Variants in MORC4 observed in about 807,000 individuals in gnomAD.
MORC4 encodes the protein MORC family CW-type zinc finger protein 4.
In MORC4, 22 loss-of-function variants were observed where a neutral mutation model predicts 65.5. The observed-to-expected ratio is 0.34, with a 90% CI of 0.24 to 0.48. The LOEUF is 0.48. MORC4 is among the 20% of genes least tolerant of loss of function. The probability of loss-of-function intolerance (pLI) is 0.99; values close to 1 mark genes in which losing one functional copy is unlikely to be tolerated. For synonymous variants in MORC4, 267 were observed against 255.8 expected, an observed-to-expected ratio of 1.04 and a Z score of -0.42; for missense variants, 624 against 703.0, an observed-to-expected ratio of 0.89 and a Z score of 1.27.
chrX:106,972,854 C>T (rs1934551535), intron 9 of MORC4, among the ~76,000 whole-genome samples: 1 of 112,867 alleles, frequency 8.9e-6, no homozygotes, highest in South Asian at 3.6e-4. Context: ...AGGACAATCG[C>T]TTGAACCCCA....
intron 3 of MORC4, among the ~76,000 whole-genome samples, chrX:106,990,989 A>C (rs1394829827): frequency 1.8e-5 from 2 of 112,072 alleles, no homozygotes; most frequent in Non-Finnish European, 3.8e-5. Flanking sequence ...TCATTAAAAT[A>C]ATTTTCTAAA....
At chrX:106,959,140 G>C (rs1934175415) in intron 10 of MORC4, among the ~76,000 whole-genome samples, 1 of 111,980 alleles carries the variant, frequency 8.9e-6, no homozygotes, top group East Asian at 2.8e-4. Flanking sequence ...AGAAATGGTG[G>C]TTCCAGACAG....
intron 12 of MORC4, 141 bp downstream of exon 12, chrX:106,956,795 A>C: frequency 2.0e-6 from 1 of 490,740 alleles, no homozygotes; most frequent in South Asian, 3.5e-5. Flanking sequence ...AGAAGGAATA[A>C]AGAACTGGGA....
chrX:106,964,203 C>T (rs963343396), intron 9 of MORC4, among the ~76,000 whole-genome samples: 3 of 111,442 alleles, frequency 2.7e-5, no homozygotes, highest in African/African-American at 6.5e-5. Flanking sequence ...AAAAGAAATC[C>T]AAAACAAAGT....
At chrX:106,978,240 T>C (rs1408738535) in intron 7 of MORC4, 41 bp from the exon 8 acceptor site, 1 of 1,163,844 alleles carries the variant, frequency 8.6e-7, no homozygotes, top group East Asian at 3.1e-5. Flanking sequence ...TACCAGGGGC[T>C]TCAACGACAA....
intron 3 of MORC4, among the ~76,000 whole-genome samples, chrX:106,992,699 C>G (rs1321948530): frequency 8.9e-6 from 1 of 111,977 alleles, no homozygotes; most frequent in Admixed American, 9.4e-5. Context: ...TACCCAGGTA[C>G]CTTCGTGGTT....
rs760610644 is a variant in MORC4, at chrX:106,981,309, C to A, written c.807+36G>T. The A allele has an allele frequency of 3.5e-6, 4 of 1,153,212 alleles. No individual in the cohort carries two copies. The South Asian group carries it at 6.0e-5, about 17-fold the overall frequency. ...ATAATATTTTCAGGTTACAGGAAAT[C>A]TTACCTCTCATTGTTGAAAAACCAT... On this transcript the variant is annotated intron_variant, in intron 6 of 16. Transcript: ENST00000355610.
intron 9 of MORC4, among the ~76,000 whole-genome samples, chrX:106,974,221 A>C (rs1243187194): frequency 8.9e-6 from 1 of 111,753 alleles, no homozygotes; most frequent in Non-Finnish European, 1.9e-5. Flanking sequence ...CAATTCCTTT[A>C]CTTATTGTCT....
At chrX:106,946,940 C>T (rs1330065438) in intron 14 of MORC4, among the ~76,000 whole-genome samples, 3 of 111,657 alleles carry the variant, frequency 2.7e-5, no homozygotes, top group African/African-American at 9.8e-5. Context: ...CCATGCCCAG[C>T]TTCTTTCTTC....
At chrX:106,988,039 A>G (rs1425001745) in intron 3 of MORC4, among the ~76,000 whole-genome samples, 3 of 111,909 alleles carry the variant, frequency 2.7e-5, no homozygotes, top group African/African-American at 9.7e-5. Flanking sequence ...TGCAAAATAC[A>G]TTAAGTATAA....
intron 7 of MORC4, 45 bp from the exon 8 acceptor site, chrX:106,978,244 A>G (rs1174092510): frequency 4.3e-6 from 5 of 1,163,390 alleles, no homozygotes; most frequent in Non-Finnish European, 5.7e-6. Context: ...AGGGGCTTCA[A>G]CGACAAAATT....
chrX:106,956,991 G>T lies in MORC4; in HGVS notation c.1399C>A (p.Pro467Thr). The change falls in exon 12 of 17, where the codon CCA becomes ACA. Residue 467 changes from proline (P) to threonine (T), a missense_variant. Transcript: ENST00000355610. The part of the protein sequence containing the change: ...SHPKYRRCSV[P>T]EEQELTDEDL... ...TCATCAGTGAGTTCTTGTTCCTCTG[G>T]AACAGAGCATCTCCTGCAGTACAGA... 8.4e-7 allele frequency: 1 copy of T among 1,191,557 alleles called. No homozygotes were observed. The highest frequency in any genetic ancestry group is 1.8e-5 in the South Asian group (1 of 54,939).
At chrX:106,997,821 A>G (rs1027990865) in intron 2 of MORC4, among the ~76,000 whole-genome samples, 2 of 111,226 alleles carry the variant, frequency 1.8e-5, no homozygotes, top group African/African-American at 3.3e-5. Context: ...ACATGTCCCA[A>G]TCCTTCAAAT....
chrX:106,984,271 G>C (rs1196228255), intron 5 of MORC4, among the ~76,000 whole-genome samples: 1 of 106,775 alleles, frequency 9.4e-6, no homozygotes, highest in Non-Finnish European at 1.9e-5. Flanking sequence ...GGGCAAGAGA[G>C]ACTCTGTCTC....
intron 9 of MORC4, among the ~76,000 whole-genome samples, chrX:106,963,060 T>TA (rs1934287227): frequency 8.9e-6 from 1 of 111,820 alleles, no homozygotes; most frequent in African/African-American, 3.3e-5. Context: ...TAATCATATA[T>TA]GAGCTCCCCT....
intron 11 of MORC4, 35 bp downstream of exon 11, chrX:106,958,301 T>C (rs1945186271): frequency 1.7e-6 from 2 of 1,160,899 alleles, no homozygotes; most frequent in African/African-American, 1.8e-5. Flanking sequence ...AATCAGGAGT[T>C]ACCTTGAGCA....
In MORC4 at chrX:106,955,102, A is replaced by G. The variant is rs1211373027; in HGVS notation, c.1510-14T>C. The G allele has an allele frequency of 1.7e-6, 2 of 1,152,429 alleles. No homozygotes were observed. Among genetic ancestry groups the G allele is most frequent in the Non-Finnish European group, 1.2e-6 (1 of 855,854 alleles). The allele number at this position is 1,152,429 out of a possible 1,213,427, so 95.0% of individuals were successfully genotyped here. ...ATTACTGAATACCTATAAAAGACAG[A>G]AATGATTTGTAAAAGTCTCAAATTC... On this transcript the variant is annotated splice_polypyrimidine_tract_variant and intron_variant, in intron 13 of 16. Coordinates refer to ENST00000355610, the MANE Select transcript of MORC4 (RefSeq NM_024657.5).
Position 106,974,078 on chromosome X carries a change from C to T in MORC4, c.1157+2506G>A, listed in dbSNP as rs192069208. On this transcript the variant is annotated intron_variant, in intron 9 of 16. Transcript: ENST00000355610. Reference sequence around the variant, plus strand: ...AAGATGTAAAATACCTCATGGCTCTCCTATGAATTCATTATGTGTAGCTTA... The same window carrying T: ...AAGATGTAAAATACCTCATGGCTCTTCTATGAATTCATTATGTGTAGCTTA... 3.6e-5 allele frequency among the ~76,000 whole-genome samples: 4 copies of T among 111,781 alleles called. No homozygotes were observed. In the East Asian group the frequency reaches 1.1e-3, roughly 31 times the overall value.
intron 8 of MORC4, 122 bp downstream of exon 8, chrX:106,977,958 G>T: frequency 1.4e-6 from 1 of 736,444 alleles, no homozygotes; most frequent in Non-Finnish European, 2.0e-6. Context: ...TCCAGGATCA[G>T]AATTCAATAA....
Sources: gnomAD v4.1 joint callset for allele counts (sites outside exome capture counted in the v4.1 genomes callset) on GRCh38, gnomAD v4.1.1 for gene constraint, MANE v1.5 for transcripts, NCBI Gene and HGNC (gene_info 2026-07-23, HGNC 2026-07-21) for gene names.